The following TIE1 variants were observed in gnomAD, a reference collection of about 807,000 sequenced individuals.
TIE1 encodes tyrosine-protein kinase receptor Tie-1.
A neutral mutation model predicts 130.5 loss-of-function variants in TIE1; 89 were observed. The observed-to-expected ratio is 0.68, with a 90% CI of 0.57 to 0.81. The LOEUF (loss-of-function observed/expected upper bound fraction) is 0.81. TIE1 is among the 40% of genes least tolerant of loss of function. The probability of loss-of-function intolerance (pLI) is 0.00; values close to 1 mark genes in which losing one functional copy is unlikely to be tolerated. For synonymous variants in TIE1, 568 were observed against 629.4 expected, an observed-to-expected ratio of 0.90 and a Z score of 1.46; for missense variants, 1,392 against 1,559.8, an observed-to-expected ratio of 0.89 and a Z score of 1.81.
At position 43,312,598 on chromosome 1, in the gene TIE1, A is replaced by G. The variant is rs140302668; in HGVS notation, c.1924A>G (p.Ser642Gly). The G allele has an allele frequency of 6.2e-6, 10 of 1,601,830 alleles. No individual in the cohort carries two copies. The highest frequency in any genetic ancestry group is 8.5e-6 in the Non-Finnish European group (10 of 1,173,666). The change falls in exon 12 of 23, where the codon AGT becomes GGT. Residue 642 changes from serine (S) to glycine (G), a missense_variant. By Grantham distance (56) the Ser-to-Gly change is moderately conservative (BLOSUM62 0). Coordinates refer to ENST00000372476, the MANE Select transcript of TIE1 (RefSeq NM_005424.5). The surrounding 1 kb of genome is among the most constrained non-coding windows in gnomAD (Gnocchi z 5.6). ...SPPAHVLLPP[S>G]GPPAPRHLHA... Reference sequence around the variant, plus strand: ...CCCTGCACACGTGCTTCTGCCCCCCAGTGGTATGTGCAAGGCGCAAGGATA... The same window carrying G: ...CCCTGCACACGTGCTTCTGCCCCCCGGTGGTATGTGCAAGGCGCAAGGATA...
Position 43,317,653 on chromosome 1 carries a change from C to T in TIE1, c.2710C>T (p.Leu904=), listed in dbSNP as rs1646872153. The part of the protein sequence containing the change: ...LGHHPNIINL[L]GACKNRGYLY... ...GCATCACCCCAACATCATCAACCTC[C>T]TGGGGGCCTGTAAGAACCGAGGTGA... Residue 904 remains leucine, a synonymous_variant, in exon 16 of 23, where the codon CTG becomes TTG. Transcript: ENST00000372476. This position sits in a 1 kb window ranked among gnomAD's most constrained non-coding sequence, Gnocchi z 5.1. 3.1e-6 allele frequency: 5 copies of T among 1,594,118 alleles called. No homozygotes were observed. The South Asian group carries it at 5.7e-5, about 18-fold the overall frequency.
rs1337908365 is a variant in TIE1, at chr1:43,306,793, C to T, written c.485-47C>T. ...CAGAGGTGGACAGAGAGAGGTGACA[C>T]AGCCCTCATGTAGTGCTGAGGCCCC... On this transcript the variant is annotated intron_variant, in intron 3 of 22. Transcript: ENST00000372476. This position sits in a 1 kb window ranked among gnomAD's most constrained non-coding sequence, Gnocchi z 4.9. The T allele has an allele frequency of 6.4e-7, 1 of 1,555,642 alleles. No individual in the cohort carries two copies. Among genetic ancestry groups the T allele is most frequent in the South Asian group, 1.2e-5 (1 of 81,112 alleles).
chr1:43,314,466 G>C (rs1401887306), intron 14 of TIE1: 6 of 1,035,112 alleles, frequency 5.8e-6, no homozygotes, highest in Non-Finnish European at 7.0e-6. Flanking sequence ...CCTGCCAGTA[G>C]GCCAGTCATG....
At position 43,305,061 on chromosome 1, in the gene TIE1, T is replaced by G; in HGVS notation, c.269T>G (p.Leu90Arg). 6.2e-7 allele frequency: 1 copy of G among 1,609,184 alleles called. No homozygotes were observed. The highest frequency in any genetic ancestry group is 2.2e-5 in the East Asian group (1 of 44,702). ...CGCAACGGTTCGCACCAGGTCACGC[T>G]TCGCGGCTTCTCCAAGCCCTCGGAC... is the stretch of plus-strand genomic sequence containing the variant. ...LARNGSHQVT[L>R]RGFSKPSDLV... Residue 90 changes from leucine (L) to arginine (R), a missense_variant, in exon 2 of 23, where the codon CTT (leucine) becomes CGT (arginine). Around this residue, in one of 6 missense-constraint regions of TIE1, gnomAD observed 415 missense variants for 424.8 expected, o/e 0.98. Transcript: ENST00000372476.
chr1:43,313,184 G>T lies in TIE1; in HGVS notation c.1977G>T (p.Glu659Asp), dbSNP rs1454818734. The T allele has an allele frequency of 1.2e-5, 20 of 1,613,478 alleles. No homozygotes were observed. The highest frequency in any genetic ancestry group is 1.7e-5 in the Non-Finnish European group (20 of 1,179,848). ...HLHAQALSDSEIQLTWKHPEA... is the reference protein window; with the variant it reads ...HLHAQALSDSDIQLTWKHPEA... ...ACGCCCAGGCCCTCTCAGACTCCGAGATCCAGCTGACATGGAAGCACCCGG... is the reference window on the plus strand; with the variant it reads ...ACGCCCAGGCCCTCTCAGACTCCGATATCCAGCTGACATGGAAGCACCCGG... The change falls in exon 13 of 23, where the codon GAG (glutamate) becomes GAT (aspartate). Residue 659 changes from glutamate to aspartate, a missense_variant. Transcript: ENST00000372476. The surrounding 1 kb of genome is among the most constrained non-coding windows in gnomAD (Gnocchi z 6.2).
rs1646735498 is a variant in TIE1, at chr1:43,306,996, G to T, written c.640+1G>T. On this transcript the variant is annotated splice_donor_variant, in intron 4 of 22. Coordinates refer to ENST00000372476, the MANE Select transcript of TIE1 (RefSeq NM_005424.5). LOFTEE classifies it high-confidence loss of function. This position sits in a 1 kb window ranked among gnomAD's most constrained non-coding sequence, Gnocchi z 4.9. ...GCCTTCTTTCGGCTCATCGTGCGGG[G>T]TCAGAGGCAGAGGGCAGAGGTTGTG... 2 of 1,613,832 alleles carry T rather than the reference G, an allele frequency of 1.2e-6. No homozygotes were observed. The highest frequency in any genetic ancestry group is 1.7e-6 in the Non-Finnish European group (2 of 1,180,002).
At chr1:43,314,127 A>T (rs769589935) in intron 14 of TIE1, 159 bp downstream of exon 14, 5 of 912,826 alleles carry the variant, frequency 5.5e-6, no homozygotes, top group Non-Finnish European at 6.8e-6. Context: ...GGTACAAAAT[A>T]TAATTTTCTT....
chr1:43,305,283 G>C lies in TIE1; in HGVS notation c.424G>C (p.Ala142Pro). ...ACACACTGTGAACAAAGGTGACACCGCTGTACTTTCTGCACGTGTGCACAA... is the reference window on the plus strand; with the variant it reads ...ACACACTGTGAACAAAGGTGACACCCCTGTACTTTCTGCACGTGTGCACAA... ...VTHTVNKGDT[A>P]VLSARVHKEK... Residue 142 changes from alanine (A) to proline (P), a missense_variant, in exon 3 of 23, where the codon GCT becomes CCT. By Grantham distance (27) the Ala-to-Pro change is conservative (BLOSUM62 -1). Transcript: ENST00000372476. 1.2e-6 allele frequency: 2 copies of C among 1,609,196 alleles called. No individual in the cohort carries two copies. The highest frequency in any genetic ancestry group is 2.2e-5 in the South Asian group (2 of 90,850).
intron 1 of TIE1, 66 bp from the exon 2 acceptor site, chr1:43,304,785 G>A: frequency 7.3e-7 from 1 of 1,370,648 alleles, no homozygotes; most frequent in Non-Finnish European, 9.4e-7. Flanking sequence ...GAGGGCTGGG[G>A]CTGGGGGCTC....
chr1:43,319,603 A>C lies in TIE1; in HGVS notation c.3107+74A>C. 1.2e-5 allele frequency: 17 copies of C among 1,466,774 alleles called. No individual in the cohort carries two copies. Among genetic ancestry groups the C allele is most frequent in the Non-Finnish European group, 1.5e-5 (16 of 1,046,708 alleles). The allele number at this position is 1,466,774 out of a possible 1,614,324, so 90.9% of individuals were successfully genotyped here. On this transcript the variant is annotated intron_variant, in intron 19 of 22. Coordinates refer to ENST00000372476, the MANE Select transcript of TIE1 (RefSeq NM_005424.5). The surrounding 1 kb of genome is among the most constrained non-coding windows in gnomAD (Gnocchi z 4.7). ...CCCAGGCCTGACCTAGACATATCTC[A>C]GAAATGTCATAGGTGGTCTAAGGCA... is the stretch of plus-strand genomic sequence containing the variant.
rs577484840 is a variant in TIE1, at chr1:43,304,187, T to C, written c.59-664T>C. 5.3e-5 allele frequency among the ~76,000 whole-genome samples: 8 copies of C among 152,336 alleles called. No homozygotes were observed. In the South Asian group the frequency reaches 1.7e-3, roughly 32 times the overall value. ...TGTGCTCAAAGGATCCTCCCACCTC[T>C]GCCTCCTTAAGTGCTGGGATTCCAG... On this transcript the variant is annotated intron_variant, in intron 1 of 22. Coordinates refer to ENST00000372476, the MANE Select transcript of TIE1 (RefSeq NM_005424.5).
chr1:43,321,577 G>A (rs996258645), intron 21 of TIE1, 39 bp from the exon 22 acceptor site: 2 of 1,554,892 alleles, frequency 1.3e-6, no homozygotes, highest in Admixed American at 3.9e-5. Flanking sequence ...CATCACCCCA[G>A]CTGGCCTGAC....
rs994780744 is a variant in TIE1, at chr1:43,316,205, C to T, written c.2410-994C>T. On this transcript the variant is annotated intron_variant, in intron 14 of 22. Coordinates refer to ENST00000372476, the MANE Select transcript of TIE1 (RefSeq NM_005424.5). This position sits in a 1 kb window ranked among gnomAD's most constrained non-coding sequence, Gnocchi z 4.4. ...TTTAAATGCGTGTGTCCCAGATGCACGTGTCCCTATGCCTGTGCACCTTCA... is the reference window on the plus strand; with the variant it reads ...TTTAAATGCGTGTGTCCCAGATGCATGTGTCCCTATGCCTGTGCACCTTCA... Among the ~76,000 whole-genome samples the T allele has an allele frequency of 2.6e-5, 4 of 152,214 alleles. No individual in the cohort carries two copies. Among genetic ancestry groups the T allele is most frequent in the Admixed American group, 2.0e-4 (3 of 15,288 alleles).
Position 43,312,249 on chromosome 1 carries a change from C to T in TIE1, c.1631-56C>T. 1 of 1,513,272 alleles carries T rather than the reference C, an allele frequency of 6.6e-7. No individual in the cohort carries two copies. Among genetic ancestry groups the T allele is most frequent in the Non-Finnish European group, 8.8e-7 (1 of 1,130,278 alleles). The allele number at this position is 1,513,272 out of a possible 1,614,324, so 93.7% of individuals were successfully genotyped here. A position where few individuals can be genotyped will look rare whatever the true frequency, so the allele number is the denominator to read the frequency against. On this transcript the variant is annotated intron_variant, in intron 11 of 22. Transcript: ENST00000372476. This position sits in a 1 kb window ranked among gnomAD's most constrained non-coding sequence, Gnocchi z 5.6. Reference sequence around the variant, plus strand: ...TTCCTTGTTCACTGGGGATCATTGTCCTGTCCAGCCCCAAGTACCTACTGG... The same window carrying T: ...TTCCTTGTTCACTGGGGATCATTGTTCTGTCCAGCCCCAAGTACCTACTGG...
At position 43,306,833 on chromosome 1, in the gene TIE1, C is replaced by G; in HGVS notation, c.485-7C>G. On this transcript the variant is annotated splice_region_variant and splice_polypyrimidine_tract_variant and intron_variant, in intron 3 of 22. Coordinates refer to ENST00000372476, the MANE Select transcript of TIE1 (RefSeq NM_005424.5). This position sits in a 1 kb window ranked among gnomAD's most constrained non-coding sequence, Gnocchi z 4.9. ...GCTGAGGCCCCTGACACATTCATGT[C>G]CCCCAGGATCCTACTTCTACACCCT... 1 of 1,603,056 alleles carries G rather than the reference C, an allele frequency of 6.2e-7. No homozygotes were observed. Among genetic ancestry groups the G allele is most frequent in the Non-Finnish European group, 8.5e-7 (1 of 1,174,454 alleles).
Position 43,312,687 on chromosome 1 carries a change from G to A in TIE1, c.1927+86G>A. 1.4e-6 allele frequency: 2 copies of A among 1,452,918 alleles called. No homozygotes were observed. Among genetic ancestry groups the A allele is most frequent in the South Asian group, 2.7e-5 (2 of 74,186 alleles). The allele number at this position is 1,452,918 out of a possible 1,614,324, so 90.0% of individuals were successfully genotyped here. On this transcript the variant is annotated intron_variant, in intron 12 of 22. Transcript: ENST00000372476. The surrounding 1 kb of genome is among the most constrained non-coding windows in gnomAD (Gnocchi z 5.6). ...TGAGACCTAGGAGACACGGGAGGCTGTAGGAGATTAATGGACATGGAGAGG... is the reference window on the plus strand; with the variant it reads ...TGAGACCTAGGAGACACGGGAGGCTATAGGAGATTAATGGACATGGAGAGG...
chr1:43,319,944 C>T lies in TIE1; in HGVS notation c.3107+415C>T, dbSNP rs369332357. 1 of 257,324 alleles carries T rather than the reference C, an allele frequency of 3.9e-6. No individual in the cohort carries two copies. The highest frequency in any genetic ancestry group is 2.2e-5 in the African/African-American group (1 of 45,058). The allele number at this position is 257,324 out of a possible 1,614,324, so 15.9% of individuals were successfully genotyped here. ...AAGACTCCCTCTCTGTGCCCCCTCC[C>T]CTGCAGACAGCCCTCTTGGCACACT... On this transcript the variant is annotated intron_variant, in intron 19 of 22. Transcript: ENST00000372476. This position sits in a 1 kb window ranked among gnomAD's most constrained non-coding sequence, Gnocchi z 4.7.
In TIE1 at chr1:43,312,394, C is replaced by T; in HGVS notation, c.1720C>T (p.Pro574Ser). Residue 574 changes from proline (P) to serine (S), a missense_variant, in exon 12 of 23, where the codon CCA (proline) becomes TCA (serine). Physicochemically the swap from Pro to Ser is moderately conservative, Grantham distance 74 (BLOSUM62 -1). This residue lies in a region of TIE1 where 551 missense variants were observed against 565.5 expected (regional missense o/e 0.97). Transcript: ENST00000372476. The surrounding 1 kb of genome is among the most constrained non-coding windows in gnomAD (Gnocchi z 5.6). Reference protein sequence around the residue: ...VSWSLPLVPGPLVGDGFLLRL... With the variant: ...VSWSLPLVPGSLVGDGFLLRL... ...CTGGTCCTTGCCCTTGGTGCCCGGG[C>T]CACTGGTGGGCGACGGTTTCCTGCT... 1.2e-6 allele frequency: 2 copies of T among 1,604,938 alleles called. No homozygotes were observed. The highest frequency in any genetic ancestry group is 8.5e-7 in the Non-Finnish European group (1 of 1,175,696).
chr1:43,314,288 C>T lies in TIE1; in HGVS notation c.2409+320C>T, dbSNP rs1368632832. ...CGTCAATTGGAGATTTTCCTCTCCC[C>T]TCTTTTATTTCTCCCTAGCGGTTAT... is the stretch of plus-strand genomic sequence containing the variant. On this transcript the variant is annotated intron_variant, in intron 14 of 22. Coordinates refer to ENST00000372476, the MANE Select transcript of TIE1 (RefSeq NM_005424.5). 1.8e-5 allele frequency: 18 copies of T among 980,514 alleles called. No individual in the cohort carries two copies. The Admixed American group carries it at 6.2e-4, about 34-fold the overall frequency. The allele number at this position is 980,514 out of a possible 1,614,324, so 60.7% of individuals were successfully genotyped here.
Sources: allele counts gnomAD v4.1 joint callset (sites outside exome capture counted in the v4.1 genomes callset), GRCh38; gene constraint gnomAD v4.1.1; regional missense constraint gnomAD v4.1.1; non-coding constraint Gnocchi (gnomAD v3.1); transcripts MANE v1.5; gene names NCBI Gene and HGNC (gene_info 2026-07-23, HGNC 2026-07-21).